KCTD8: variants seen among roughly 807,000 people sequenced by gnomAD.
KCTD8 encodes the protein potassium channel tetramerization domain containing 8.
Under a neutral mutation model 31.5 loss-of-function variants are expected in KCTD8, and 27 were observed. The ratio of observed to expected loss-of-function variants is 0.86; its 90% CI spans 0.63 to 1.18. The LOEUF is 1.18. Ranked by LOEUF, KCTD8 falls within the 50% of genes most tolerant of loss-of-function variation. The pLI is 0.00. For synonymous variants in KCTD8, 290 were observed against 280.0 expected (o/e 1.04, Z -0.36); for missense variants, 658 against 647.7 (o/e 1.02, Z -0.17).
In KCTD8 at chr4:44,427,305, G is replaced by C. The variant is rs148530138; in HGVS notation, c.961+20258C>G. On this transcript the variant is annotated intron_variant, in intron 1 of 1. Coordinates refer to ENST00000360029, the MANE Select transcript of KCTD8 (RefSeq NM_198353.3). ...ATTCATATAAAATACCGAATTTCAG[G>C]GGAATCACAAAATTATAAGAAGTCT... 4.7e-3 allele frequency among the ~76,000 whole-genome samples: 716 copies of C among 151,182 alleles called. 4 individuals are homozygous for C. The highest frequency in any genetic ancestry group is 0.017 in the African/African-American group (686 of 41,382).
chr4:44,402,195 T>C (rs957129255), intron 1 of KCTD8, among the ~76,000 whole-genome samples: 3 of 152,296 alleles, frequency 2.0e-5, no homozygotes, highest in Admixed American at 1.3e-4. Flanking sequence ...TTTAACTTCT[T>C]AGATTTTAGT....
intron 1 of KCTD8, among the ~76,000 whole-genome samples, chr4:44,306,953 A>C (rs574722678): frequency 1.0e-3 from 155 of 152,092 alleles, no homozygotes; most frequent in Admixed American, 2.3e-3. Flanking sequence ...AAATCAAAAG[A>C]TATAAAGAGT....
intron 1 of KCTD8, among the ~76,000 whole-genome samples, chr4:44,243,582 C>A (rs1715567682): frequency 6.6e-6 from 1 of 152,194 alleles, no homozygotes; most frequent in African/African-American, 2.4e-5. Context: ...TTTCACCTAG[C>A]ACTCAGGTGC....
At chr4:44,300,302 A>G (rs955152628) in intron 1 of KCTD8, among the ~76,000 whole-genome samples, 2 of 152,150 alleles carry the variant, frequency 1.3e-5, no homozygotes, top group African/African-American at 4.8e-5. Context: ...AATGTAAAGC[A>G]CTGTCCACAA....
chr4:44,369,890 A>G (rs1719738860), intron 1 of KCTD8, among the ~76,000 whole-genome samples: 1 of 152,224 alleles, frequency 6.6e-6, no homozygotes, highest in Non-Finnish European at 1.5e-5. Context: ...CTGAGCACTT[A>G]CAGTTTTGCT....
chr4:44,262,446 A>C (rs1716208203), intron 1 of KCTD8, among the ~76,000 whole-genome samples: 1 of 152,128 alleles, frequency 6.6e-6, no homozygotes, highest in South Asian at 2.1e-4. Flanking sequence ...AAAAGGCAAT[A>C]AAAGACATTA....
chr4:44,272,253 A>AT (rs1307224281), intron 1 of KCTD8, among the ~76,000 whole-genome samples: 1 of 151,750 alleles, frequency 6.6e-6, no homozygotes, highest in Non-Finnish European at 1.5e-5. Context: ...ATTCCAAAGT[A>AT]ACTATACAAA....
chr4:44,439,137 A>G (rs994886189), intron 1 of KCTD8, among the ~76,000 whole-genome samples: 3 of 152,182 alleles, frequency 2.0e-5, no homozygotes, highest in African/African-American at 7.2e-5. Context: ...TTTTACTTAT[A>G]CCAAAAATTA....
intron 1 of KCTD8, among the ~76,000 whole-genome samples, chr4:44,363,668 A>T (rs1285507925): frequency 6.6e-6 from 1 of 152,116 alleles, no homozygotes; most frequent in Non-Finnish European, 1.5e-5. Context: ...GCTGCCAGGG[A>T]TCTCTATCCT....
At chr4:44,333,987 T>C (rs1364246284) in intron 1 of KCTD8, among the ~76,000 whole-genome samples, 2 of 152,014 alleles carry the variant, frequency 1.3e-5, no homozygotes, top group East Asian at 1.9e-4. Context: ...ATGAGAAAAA[T>C]TGAACACCAT....
chr4:44,347,056 A>G (rs1719054175), intron 1 of KCTD8, among the ~76,000 whole-genome samples: 2 of 152,154 alleles, frequency 1.3e-5, no homozygotes, highest in African/African-American at 2.4e-5. Flanking sequence ...AACATCAAAT[A>G]CAGCCATGTT....
intron 1 of KCTD8, among the ~76,000 whole-genome samples, chr4:44,260,847 G>A (rs1176582512): frequency 6.6e-6 from 1 of 151,992 alleles, no homozygotes; most frequent in Non-Finnish European, 1.5e-5. Context: ...GAGCAAGGGA[G>A]TGGTATGGTA....
chr4:44,247,574 T>G (rs1313307861), intron 1 of KCTD8, among the ~76,000 whole-genome samples: 2 of 151,954 alleles, frequency 1.3e-5, no homozygotes, highest in Non-Finnish European at 2.9e-5. Flanking sequence ...AGACTTTATT[T>G]ATTTTGTATA....
chr4:44,332,073 A>C (rs1718603314), intron 1 of KCTD8, among the ~76,000 whole-genome samples: 1 of 151,890 alleles, frequency 6.6e-6, no homozygotes, highest in African/African-American at 2.4e-5. Context: ...TTTACCAGAA[A>C]TAAAGTTTAA....
chr4:44,292,037 A>G (rs115383120), intron 1 of KCTD8, among the ~76,000 whole-genome samples: 1,938 of 151,928 alleles, frequency 0.013, 48 homozygotes, highest in African/African-American at 0.044. Flanking sequence ...TGGTGGGAAT[A>G]TAAGTTATTC....
At chr4:44,303,445 TG>T (rs1452939160) in intron 1 of KCTD8, among the ~76,000 whole-genome samples, 3 of 150,858 alleles carry the variant, frequency 2.0e-5, no homozygotes, top group African/African-American at 2.4e-5. Flanking sequence ...GGTTTAGTCT[TG>T]GGAAAGTGTA....
intron 1 of KCTD8, among the ~76,000 whole-genome samples, chr4:44,238,025 T>C (rs568225714): frequency 6.6e-6 from 1 of 152,350 alleles, no homozygotes; most frequent in South Asian, 2.1e-4. Flanking sequence ...GCTCTCAGGA[T>C]GAAGTCTGAA....
At chr4:44,248,566 C>T (rs563716065) in intron 1 of KCTD8, among the ~76,000 whole-genome samples, 28 of 151,964 alleles carry the variant, frequency 1.8e-4, no homozygotes, top group African/African-American at 6.0e-4. Context: ...TCTGGGGTGC[C>T]TCTTCTCCAT....
intron 1 of KCTD8, among the ~76,000 whole-genome samples, chr4:44,354,497 G>T (rs1008923672): frequency 2.6e-5 from 4 of 151,954 alleles, no homozygotes; most frequent in Non-Finnish European, 5.9e-5. Flanking sequence ...CATCCGTACG[G>T]TCCATCTCAG....
Sources: gnomAD v4.1 joint callset for allele counts (sites outside exome capture counted in the v4.1 genomes callset) on GRCh38, gnomAD v4.1.1 for gene constraint, MANE v1.5 for transcripts, NCBI Gene and HGNC (gene_info 2026-07-23, HGNC 2026-07-21) for gene names.